The following PCM1 variants were observed in gnomAD, a reference collection of about 807,000 sequenced individuals.
The protein encoded by PCM1 is pericentriolar material 1 protein.
A neutral mutation model predicts 241.9 loss-of-function variants in PCM1; 157 were observed. The observed-to-expected ratio is 0.65, with a 90% CI of 0.57 to 0.74. The LOEUF is 0.74. PCM1 is among the 30% of genes least tolerant of loss of function. PCM1 has a pLI of 0.00. For synonymous variants in PCM1, 1,085 were observed against 784.9 expected, an observed-to-expected ratio of 1.38 and a Z score of -6.39; for missense variants, 3,478 against 2,360.1, an observed-to-expected ratio of 1.47 and a Z score of -9.81.
chr8:18,026,314 G>C (rs1415474867), intron 38 of PCM1, among the ~76,000 whole-genome samples: 2 of 140,616 alleles, frequency 1.4e-5, no homozygotes, highest in South Asian at 4.7e-4. Flanking sequence ...GAGTGCAGTG[G>C]TGTGATCTCA....
chr8:17,963,158 A>T lies in PCM1; in HGVS notation c.2521A>T (p.Lys841Ter). 1 of 1,613,644 alleles carries T rather than the reference A, an allele frequency of 6.2e-7. No homozygotes were observed. Among genetic ancestry groups the T allele is most frequent in the African/African-American group, 1.3e-5 (1 of 75,028 alleles). ...GAGGGAGGAGCTGCGACAGAGAAGAAAGCAGCTTGAAGCTCTGATGGCTGA... is the reference window on the plus strand; with the variant it reads ...GAGGGAGGAGCTGCGACAGAGAAGATAGCAGCTTGAAGCTCTGATGGCTGA... ...MLREELRQRR[K>*]QLEALMAEHQ... The change falls in exon 17 of 39, where the codon AAG (lysine) becomes TAG (stop). Residue 841 changes from lysine to a stop codon, truncating the protein, a stop_gained. Coordinates refer to ENST00000325083, the MANE Select transcript of PCM1 (RefSeq NM_006197.4). LOFTEE classifies it high-confidence loss of function.
chr8:17,983,220 C>A, intron 24 of PCM1: 1 of 1,308,426 alleles, frequency 7.6e-7, no homozygotes, highest in Non-Finnish European at 1.0e-6. Flanking sequence ...CTTATGTCTG[C>A]CCTTTCCTAC....
At chr8:17,947,469 GT>G in intron 7 of PCM1, 106 bp downstream of exon 7, 1 of 848,126 alleles carries the variant, frequency 1.2e-6, no homozygotes, top group Non-Finnish European at 1.8e-6. Context: ...TTGTTGTCTA[GT>G]TTAGAAACCT....
At position 17,964,552 on chromosome 8, in the gene PCM1, G is replaced by T; in HGVS notation, c.2655-16G>T. 4 of 1,598,432 alleles carry T rather than the reference G, an allele frequency of 2.5e-6. No homozygotes were observed. Among genetic ancestry groups the T allele is most frequent in the Non-Finnish European group, 3.4e-6 (4 of 1,169,230 alleles). The stretch of plus-strand genomic sequence containing the variant: ...ATCTCCAGAATGACATCTGTTTTAT[G>T]TCTCTTAATCACTAGAACGATGGCA... On this transcript the variant is annotated splice_polypyrimidine_tract_variant and intron_variant, in intron 17 of 38. Transcript: ENST00000325083.
At chr8:18,022,664 A>C (rs930800482) in intron 36 of PCM1, among the ~76,000 whole-genome samples, 2 of 152,236 alleles carry the variant, frequency 1.3e-5, no homozygotes, top group African/African-American at 4.8e-5. Flanking sequence ...AGAAAACCTT[A>C]ATGGAACTGG....
In PCM1 at chr8:17,957,387, C is replaced by T. The variant is rs749966575; in HGVS notation, c.1770C>T (p.Ala590=). 6.2e-7 allele frequency: 1 copy of T among 1,612,552 alleles called. No homozygotes were observed. The highest frequency in any genetic ancestry group is 1.7e-5 in the Admixed American group (1 of 60,018). Residue 590 remains alanine (A), a synonymous_variant, in exon 12 of 39, where the codon GCC becomes GCT. Coordinates refer to ENST00000325083, the MANE Select transcript of PCM1 (RefSeq NM_006197.4). ...GTGAAATTAACAACAGATCTGCTGC[C>T]AACATAAGGGCTCTAAACATGCCTC... ...SNCEINNRSA[A]NIRALNMPPS...
At chr8:17,977,837 TC>T (rs1179254974) in intron 23 of PCM1, among the ~76,000 whole-genome samples, 5 of 152,120 alleles carry the variant, frequency 3.3e-5, no homozygotes, top group African/African-American at 1.2e-4. Context: ...GAATGAGACT[TC>T]CATGCACCCT....
chr8:17,931,486 G>A (rs551809773), intron 2 of PCM1, among the ~76,000 whole-genome samples: 8 of 151,916 alleles, frequency 5.3e-5, no homozygotes, highest in African/African-American at 4.8e-5. Flanking sequence ...ATAGGATTTC[G>A]TTATGTTGGC....
In PCM1 at chr8:18,029,697, TTTCTC is replaced by T. The variant is rs1168563403; in HGVS notation, c.*2037_*2041del. On this transcript the variant is annotated 3_prime_UTR_variant, in exon 39 of 39. Transcript: ENST00000325083. ...GAGCAGATATATTTATTTAATCTGT[TTTCTC>T]TAGTAACTATTGCTGAAGGGTTAGG... The T allele has an allele frequency of 1.0e-5, 2 of 197,520 alleles. No individual in the cohort carries two copies. The highest frequency in any genetic ancestry group is 2.1e-5 in the Non-Finnish European group (2 of 95,476). 12.2% of individuals were successfully genotyped at this position (197,520 alleles called of 1,614,324 possible).
chr8:18,018,528 C>T (rs895263859), intron 36 of PCM1, among the ~76,000 whole-genome samples: 2 of 152,098 alleles, frequency 1.3e-5, no homozygotes, highest in Non-Finnish European at 2.9e-5. Context: ...ATACTATAAT[C>T]CTACAGTTAA....
chr8:17,969,058 GCT>G (rs1753849984), intron 21 of PCM1, among the ~76,000 whole-genome samples: 1 of 151,812 alleles, frequency 6.6e-6, no homozygotes, highest in African/African-American at 2.4e-5. Context: ...CTTGCAAATA[GCT>G]CTGATACATA....
At chr8:17,961,819 G>T (rs984670952) in intron 15 of PCM1, among the ~76,000 whole-genome samples, 1 of 152,066 alleles carries the variant, frequency 6.6e-6, no homozygotes, top group Non-Finnish European at 1.5e-5. Flanking sequence ...TGTTGTTTCT[G>T]TTGTTTCTGA....
chr8:18,003,765 A>G (rs562641396), intron 29 of PCM1, among the ~76,000 whole-genome samples: 55 of 152,258 alleles, frequency 3.6e-4, no homozygotes, highest in African/African-American at 1.3e-3. Context: ...AAATATATGT[A>G]TATATTTACC....
chr8:17,988,525 A>AT (rs1400305358), intron 26 of PCM1, among the ~76,000 whole-genome samples: 1 of 151,874 alleles, frequency 6.6e-6, no homozygotes, highest in Non-Finnish European at 1.5e-5. Context: ...AGCACTAACT[A>AT]TAAAAGAAAA....
At chr8:17,952,917 C>G (rs2066625584) in intron 8 of PCM1, 53 bp from the exon 9 acceptor site, 3 of 1,017,622 alleles carry the variant, frequency 2.9e-6, no homozygotes, top group Admixed American at 5.6e-5. Context: ...AATGAGAATG[C>G]ATTTAATTGC....
At chr8:17,975,542 C>T (rs192795120) in intron 23 of PCM1, among the ~76,000 whole-genome samples, 4 of 152,060 alleles carry the variant, frequency 2.6e-5, no homozygotes, top group Admixed American at 6.6e-5. Flanking sequence ...ATTGTTACTA[C>T]AGTAAGAAAA....
At chr8:17,934,816 A>C (rs1215486979) in intron 2 of PCM1, 1 of 152,070 alleles carries the variant, frequency 6.6e-6, no homozygotes, top group African/African-American at 2.4e-5. Flanking sequence ...TTGAACCTCT[A>C]CTTCCACCAT....
At chr8:17,927,972 A>C (rs1461126588) in intron 2 of PCM1, 1 of 152,026 alleles carries the variant, frequency 6.6e-6, no homozygotes, top group Non-Finnish European at 1.5e-5. Context: ...GGCTGTTAAA[A>C]ATAGCTAAAT....
intron 6 of PCM1, among the ~76,000 whole-genome samples, chr8:17,941,032 C>T (rs1056020048): frequency 6.6e-6 from 1 of 152,154 alleles, no homozygotes; most frequent in Non-Finnish European, 1.5e-5. Flanking sequence ...TGCCTCCTTT[C>T]TCTTCCCGGA....
Sources: gnomAD v4.1 joint callset for allele counts (sites outside exome capture counted in the v4.1 genomes callset) on GRCh38, gnomAD v4.1.1 for gene constraint, MANE v1.5 for transcripts, NCBI Gene and HGNC (gene_info 2026-07-23, HGNC 2026-07-21) for gene names.